The following KIF7 variants were observed in gnomAD, a reference collection of about 807,000 sequenced individuals.
KIF7 encodes the protein kinesin-like protein KIF7.
In KIF7, 104 loss-of-function variants were observed where a neutral mutation model predicts 135.7. The ratio of observed to expected loss-of-function variants is 0.77; its 90% confidence interval spans 0.65 to 0.90. The LOEUF (loss-of-function observed/expected upper bound fraction) is 0.90. Among genes scored for constraint, KIF7 ranks in the 40% least tolerant of loss-of-function variants. The pLI, the probability that KIF7 is intolerant of heterozygous loss-of-function variation, is 0.00. For missense variants in KIF7, 2,005 were observed against 1,839.1 expected (o/e 1.09, Z -1.65); for synonymous variants, 883 against 809.4 (o/e 1.09, Z -1.54).
At chr15:89,643,885 G>GAA (rs11358124) in intron 10 of KIF7, among the ~76,000 whole-genome samples, 14 of 91,494 alleles carry the variant, frequency 1.5e-4, no homozygotes, top group East Asian at 3.0e-4. Flanking sequence ...CTCCGTCTCA[G>GAA]AAAAAAAAAA....
chr15:89,631,638 C>A lies in KIF7; in HGVS notation c.2968G>T (p.Gly990Trp), dbSNP rs756359749. Residue 990 changes from glycine (G) to tryptophan (W), a missense_variant, in exon 15 of 19, where the codon GGG becomes TGG. Transcript: ENST00000394412. ...HLEKELSEKS[G>W]QLRQGSAQSQ... ...TGGGCGCTGCCCTGCCGCAGCTGCC[C>A]GCTCTTCTCGGACAGCTCCTTCTCC... 3.8e-6 allele frequency: 6 copies of A among 1,562,242 alleles called. No individual in the cohort carries two copies. The highest frequency in any genetic ancestry group is 1.4e-5 in the African/African-American group (1 of 73,444).
Position 89,646,877 on chromosome 15 carries a change from G to T in KIF7, c.1741C>A (p.Pro581Thr), listed in dbSNP as rs769897141. ...ACTTCATCTCCAGGGAGGCAGGCAG[G>T]CGGCACCATGCCCAGCACATGGGCG... ...AHAHVLGMVP[P>T]ACLPGDEVGS... Residue 581 changes from proline to threonine, a missense_variant, in exon 7 of 19, where the codon CCT (proline) becomes ACT (threonine). Transcript: ENST00000394412. The T allele has an allele frequency of 1.5e-4, 237 of 1,614,092 alleles. No homozygotes were observed. Among genetic ancestry groups the T allele is most frequent in the Non-Finnish European group, 1.9e-4 (225 of 1,180,020 alleles).
upstream of KIF7, among the ~76,000 whole-genome samples, chr15:89,656,479 T>A (rs145335119): frequency 2.6e-5 from 4 of 152,040 alleles, no homozygotes; most frequent in Non-Finnish European, 5.9e-5. Context: ...TCCCATTCCA[T>A]GTACCACACA....
chr15:89,629,501 G>C lies in KIF7; in HGVS notation c.3391C>G (p.Gln1131Glu), dbSNP rs1303482997. 3 of 1,611,368 alleles carry C rather than the reference G, an allele frequency of 1.9e-6. No individual in the cohort carries two copies. The highest frequency in any genetic ancestry group is 2.2e-5 in the East Asian group (1 of 44,880). ...TCCAGCCAGTACACCAGCCTCTGCT[G>C]CTCCTCCAGCTGCATCTCCAGTTCC... is the stretch of plus-strand genomic sequence containing the variant. ...FSELEMQLEE[Q>E]QRLVYWLEVA... The change falls in exon 17 of 19, where the codon CAG becomes GAG. Residue 1131 changes from glutamine to glutamate, a missense_variant. Transcript: ENST00000394412.
At chr15:89,641,130 T>A (rs1337426439) in intron 11 of KIF7, among the ~76,000 whole-genome samples, 2 of 152,006 alleles carry the variant, frequency 1.3e-5, no homozygotes, top group African/African-American at 4.8e-5. Context: ...AAGAAGGTCT[T>A]TAGAGAGGTG....
intron 12 of KIF7, 64 bp from the exon 13 acceptor site, chr15:89,633,330 C>T (rs917751629): frequency 9.8e-6 from 15 of 1,534,200 alleles, no homozygotes; most frequent in South Asian, 2.4e-5. Flanking sequence ...AGCCTGCCAC[C>T]GATCCCAAAG....
At chr15:89,658,929 C>T (rs189531975), upstream of KIF7, among the ~76,000 whole-genome samples, 135 of 152,150 alleles carry the variant, frequency 8.9e-4, 1 homozygote, top group African/African-American at 3.2e-3. Context: ...GGAAAATCAT[C>T]ATGGCAAATA....
chr15:89,629,139 G>C lies in KIF7; in HGVS notation c.3518-17C>G. On this transcript the variant is annotated splice_polypyrimidine_tract_variant and intron_variant, in intron 17 of 18. Transcript: ENST00000394412. ...CGAGGTGGTCTAGAGTGGAAAGGTC[G>C]AGGAGAGGGTGGTGAGGGCTGCAGG... is the stretch of plus-strand genomic sequence containing the variant. The C allele has an allele frequency of 6.2e-7, 1 of 1,610,674 alleles. No homozygotes were observed. Among genetic ancestry groups the C allele is most frequent in the Non-Finnish European group, 8.5e-7 (1 of 1,179,320 alleles).
upstream of KIF7, among the ~76,000 whole-genome samples, chr15:89,659,741 C>A (rs1964240190): frequency 6.6e-6 from 1 of 152,188 alleles, no homozygotes; most frequent in Non-Finnish European, 1.5e-5. Flanking sequence ...GACTCATATA[C>A]TTCTGGTGAG....
chr15:89,661,064 G>A, the KIF7 span, among the ~76,000 whole-genome samples: 1 of 152,100 alleles, frequency 6.6e-6, no homozygotes, highest in Non-Finnish European at 1.5e-5. Flanking sequence ...AATGCATGTT[G>A]TTGTAAGCCA....
intron 1 of KIF7, chr15:89,621,244 C>T: frequency 1.5e-6 from 1 of 647,670 alleles, no homozygotes; most frequent in Non-Finnish European, 2.5e-6. Context: ...TGGTCTCGAA[C>T]TCCTGACCTC....
At chr15:89,627,006 C>T (rs3743372), downstream of KIF7, 511,539 of 1,613,722 alleles carry the variant, frequency 0.32, 84,109 homozygotes, top group Middle Eastern at 0.37. Flanking sequence ...TCCTTTCAGT[C>T]GCGCTTTCTC....
Position 89,649,105 on chromosome 15 carries a change from G to A in KIF7, c.792C>T (p.Ser264=), listed in dbSNP as rs1168944308. ...TGCTCTCCTTGAGCCGCTCGCCGGT[G>A]CTGCCCGTCTTGAGCACCCTCTCTG... is the stretch of plus-strand genomic sequence containing the variant. ...AGSERVLKTG[S]TGERLKESIQ... Residue 264 remains serine (S), a synonymous_variant, in exon 4 of 19, where the codon AGC becomes AGT. Transcript: ENST00000394412. 1.3e-6 allele frequency: 2 copies of A among 1,547,768 alleles called. No homozygotes were observed. Among genetic ancestry groups the A allele is most frequent in the Non-Finnish European group, 1.7e-6 (2 of 1,146,770 alleles).
At chr15:89,619,647 C>T in intron 1 of KIF7, 3 of 1,548,696 alleles carry the variant, frequency 1.9e-6, no homozygotes, top group Non-Finnish European at 2.6e-6. Flanking sequence ...TTTTGGACAA[C>T]ATGAGAAAAT....
intron 10 of KIF7, among the ~76,000 whole-genome samples, chr15:89,644,397 G>A (rs183597010): frequency 1.0e-3 from 157 of 152,190 alleles, no homozygotes; most frequent in African/African-American, 3.5e-3. Flanking sequence ...AAGAAGTGCC[G>A]GGCATGGTGG....
At chr15:89,646,644 G>A (rs1366220744) in intron 7 of KIF7, among the ~76,000 whole-genome samples, 186 bp downstream of exon 7, 2 of 152,174 alleles carry the variant, frequency 1.3e-5, no homozygotes, top group African/African-American at 2.4e-5. Flanking sequence ...GCACCCTTCT[G>A]AGAGGCCCAG....
chr15:89,649,971 C>T, intron 2 of KIF7, 30 bp from the exon 3 acceptor site: 1 of 1,545,802 alleles, frequency 6.5e-7, no homozygotes, highest in South Asian at 1.2e-5. Context: ...CCTCCTGCCA[C>T]TTCAGCTGGA....
rs567337105 is a variant in KIF7 at position 89,629,411 on chromosome 15, C to G, written c.3481G>C (p.Glu1161Gln). ...TGCAGGAGCAGCTGCATGTTCTGCT[C>G]GTGCTCCTTCTGCTGCAGGGTCAGC... ...RQLTLQQKEH[E>Q]QNMQLLLQQS... The change falls in exon 17 of 19, where the codon GAG becomes CAG. Residue 1161 changes from glutamate (E) to glutamine (Q), a missense_variant. Transcript: ENST00000394412. 4 of 1,605,858 alleles carry G rather than the reference C, an allele frequency of 2.5e-6. No individual in the cohort carries two copies. In the East Asian group the frequency reaches 8.9e-5, roughly 36 times the overall value.
chr15:89,642,160 C>T (rs1466549557), intron 11 of KIF7, 43 bp downstream of exon 11: 4 of 1,589,328 alleles, frequency 2.5e-6, no homozygotes, highest in Non-Finnish European at 2.6e-6. Context: ...GCCTAGGAGG[C>T]AGGAGTCACC....
Sources: gnomAD v4.1 joint callset for allele counts (sites outside exome capture counted in the v4.1 genomes callset) on GRCh38, gnomAD v4.1.1 for gene constraint, MANE v1.5 for transcripts, NCBI Gene and HGNC (gene_info 2026-07-23, HGNC 2026-07-21) for gene names.